The following CIAPIN1 variants were observed in gnomAD, a reference collection of about 807,000 sequenced individuals.
CIAPIN1 encodes the protein anamorsin.
CIAPIN1 carries 18 observed loss-of-function variants against 34.3 expected under a neutral mutation model. The ratio of observed to expected loss-of-function variants is 0.52; its 90% CI spans 0.36 to 0.78. The LOEUF (loss-of-function observed/expected upper bound fraction) is 0.78. Among genes scored for constraint, CIAPIN1 ranks in the 30% least tolerant of loss-of-function variants. The probability of loss-of-function intolerance (pLI) is 0.00; values close to 1 mark genes in which losing one functional copy is unlikely to be tolerated. For missense variants in CIAPIN1, 310 were observed against 372.5 expected (o/e 0.83, Z 1.38); for synonymous variants, 131 against 140.4 (o/e 0.93, Z 0.47).
In CIAPIN1 at chr16:57,428,345, AGTTC is replaced by A. The variant is rs1567568493; in HGVS notation, c.*821_*824del. On this transcript the variant is annotated 3_prime_UTR_variant, in exon 9 of 9. Coordinates refer to ENST00000394391, the MANE Select transcript of CIAPIN1 (RefSeq NM_020313.4). Reference sequence around the variant, plus strand: ...CTCAGAGAGACGTATTGTCGTTCAGAGTTCTGCCCTGCTTCCCTCTAAATGCTCA... The same window carrying A: ...CTCAGAGAGACGTATTGTCGTTCAGATGCCCTGCTTCCCTCTAAATGCTCA... 4 of 152,184 alleles carry A rather than the reference AGTTC, an allele frequency of 2.6e-5. No individual in the cohort carries two copies. Among genetic ancestry groups the A allele is most frequent in the Non-Finnish European group, 4.4e-5 (3 of 68,040 alleles). The allele number at this position is 152,184 out of a possible 1,614,324, so 9.4% of individuals were successfully genotyped here.
intron 2 of CIAPIN1, 120 bp from the exon 3 acceptor site, chr16:57,439,454 C>T: frequency 6.3e-6 from 6 of 954,438 alleles, no homozygotes; most frequent in Non-Finnish European, 9.6e-6. Flanking sequence ...ACTCGATATC[C>T]ATCCAAGAAG....
rs752282077 is a variant in CIAPIN1 at position 57,434,153 on chromosome 16, A to G, written c.447T>C (p.His149=). ...GAACAAACAGCAGGTTGTCACTTTC[A>G]TGACCAAGGTGTTCTCGAACAGACT... The part of the protein sequence containing the change: ...EVQSVREHLG[H]ESDNLLFVQI... Residue 149 remains histidine (H), a synonymous_variant, in exon 5 of 9, where the codon CAT becomes CAC. Transcript: ENST00000394391. The G allele has an allele frequency of 1.2e-6, 2 of 1,614,172 alleles. No individual in the cohort carries two copies. Among genetic ancestry groups the G allele is most frequent in the Non-Finnish European group, 1.7e-6 (2 of 1,179,994 alleles).
intron 1 of CIAPIN1, among the ~76,000 whole-genome samples, chr16:57,444,004 C>T (rs1458726925): frequency 1.3e-5 from 2 of 152,184 alleles, no homozygotes; most frequent in Admixed American, 6.5e-5. Context: ...ATGAAAAAGA[C>T]CCCACCTACT....
intron 4 of CIAPIN1, among the ~76,000 whole-genome samples, chr16:57,434,740 A>G (rs1903162252): frequency 6.6e-6 from 1 of 152,262 alleles, no homozygotes; most frequent in Non-Finnish European, 1.5e-5. Context: ...TACATCATTA[A>G]TATGAATGAA....
intron 1 of CIAPIN1, among the ~76,000 whole-genome samples, chr16:57,442,340 G>A (rs191742313): frequency 3.3e-4 from 50 of 152,100 alleles, no homozygotes; most frequent in East Asian, 2.1e-3. Context: ...GCGAGACTCC[G>A]TCTCAAAATA....
chr16:57,432,079 G>A (rs960876070), intron 6 of CIAPIN1, among the ~76,000 whole-genome samples: 1 of 152,182 alleles, frequency 6.6e-6, no homozygotes, highest in Non-Finnish European at 1.5e-5. Context: ...TTGGGAGGCC[G>A]AGGCGGGCAG....
At chr16:57,430,910 G>A (rs1903072152) in intron 7 of CIAPIN1, among the ~76,000 whole-genome samples, 4 of 152,118 alleles carry the variant, frequency 2.6e-5, no homozygotes, top group African/African-American at 9.7e-5. Context: ...ACGGCTCACT[G>A]CAGCCTCGAC....
chr16:57,445,931 C>T (rs1243239156), intron 1 of CIAPIN1, among the ~76,000 whole-genome samples: 1 of 146,524 alleles, frequency 6.8e-6, no homozygotes, highest in Admixed American at 7.0e-5. Context: ...CTGCAACCTC[C>T]GACTCCGGGG....
chr16:57,429,006 C>T lies in CIAPIN1; in HGVS notation c.*164G>A. The T allele has an allele frequency of 1.6e-6, 1 of 611,976 alleles. No homozygotes were observed. Among genetic ancestry groups the T allele is most frequent in the South Asian group, 1.9e-5 (1 of 51,918 alleles). The allele number at this position is 611,976 out of a possible 1,614,324, so 37.9% of individuals were successfully genotyped here. ...TCTTTTGATACACAGCAGCACTACA[C>T]ACCACTGTGCCCCCCAGCCAGCTTC... On this transcript the variant is annotated 3_prime_UTR_variant, in exon 9 of 9. Transcript: ENST00000394391.
In CIAPIN1 at chr16:57,432,536, G is replaced by C; in HGVS notation, c.581C>G (p.Ala194Gly). The change falls in exon 6 of 9, where the codon GCT (alanine) becomes GGT (glycine). Residue 194 changes from alanine (A) to glycine (G), a missense_variant. By Grantham distance (60) the Ala-to-Gly change is moderately conservative. Transcript: ENST00000394391. Reference protein sequence around the residue: ...PSVKPAVDPAAAKLWTLSAND... With the variant: ...PSVKPAVDPAGAKLWTLSAND... ...GGCTGAGAGGGTCCACAGCTTGGCAGCAGCAGGGTCCACAGCAGGTTTCAC... is the reference window on the plus strand; with the variant it reads ...GGCTGAGAGGGTCCACAGCTTGGCACCAGCAGGGTCCACAGCAGGTTTCAC... The C allele has an allele frequency of 6.2e-7, 1 of 1,613,026 alleles. No homozygotes were observed. Among genetic ancestry groups the C allele is most frequent in the African/African-American group, 1.3e-5 (1 of 74,998 alleles).
At chr16:57,440,722 C>T in intron 2 of CIAPIN1, 50 bp downstream of exon 2, 2 of 1,542,564 alleles carry the variant, frequency 1.3e-6, no homozygotes, top group Non-Finnish European at 1.8e-6. Context: ...ATGCAACACT[C>T]CCATGGAAAC....
chr16:57,439,116 G>T, intron 3 of CIAPIN1, 66 bp downstream of exon 3: 2 of 1,524,674 alleles, frequency 1.3e-6, no homozygotes, highest in South Asian at 1.1e-5. Context: ...TGCTCACGGA[G>T]ATGCAGCACA....
chr16:57,442,344 C>G (rs1247143806), intron 1 of CIAPIN1, among the ~76,000 whole-genome samples: 1 of 151,688 alleles, frequency 6.6e-6, no homozygotes, highest in Non-Finnish European at 1.5e-5. Context: ...GACTCCGTCT[C>G]AAAATAAATA....
intron 1 of CIAPIN1, among the ~76,000 whole-genome samples, chr16:57,444,611 G>GT (rs1246019564): frequency 1.3e-5 from 2 of 152,152 alleles, no homozygotes; most frequent in African/African-American, 4.8e-5. Flanking sequence ...TTTGCGTTCC[G>GT]TATCTCCCAA....
In CIAPIN1 at chr16:57,440,979, C is replaced by G. The variant is rs1208002554; in HGVS notation, c.-51G>C. ...TAAAAACTGCTGGCCAAAAGGGAAT[C>G]AAGACTGGGCAGAGACAAAGTGCAA... is the stretch of plus-strand genomic sequence containing the variant. On this transcript the variant is annotated 5_prime_UTR_variant, in exon 2 of 9. Transcript: ENST00000394391. 2.6e-6 allele frequency: 4 copies of G among 1,566,754 alleles called. No homozygotes were observed. Among genetic ancestry groups the G allele is most frequent in the Non-Finnish European group, 3.5e-6 (4 of 1,154,712 alleles).
Position 57,429,780 on chromosome 16 carries a change from C to T in CIAPIN1, c.828+478G>A, listed in dbSNP as rs953405607. Among the ~76,000 whole-genome samples, 5 of 150,588 alleles carry T rather than the reference C, an allele frequency of 3.3e-5. No individual in the cohort carries two copies. The East Asian group carries it at 9.7e-4, about 29-fold the overall frequency. On this transcript the variant is annotated intron_variant, in intron 8 of 8. Transcript: ENST00000394391. ...GTGCTGGGATTACAGGCGTGAGCCA[C>T]CGCACCCGGCCTTTTTTTTTTTTTG...
intron 5 of CIAPIN1, 115 bp downstream of exon 5, chr16:57,433,929 G>T: frequency 1.0e-6 from 1 of 971,568 alleles, no homozygotes; most frequent in African/African-American, 1.6e-5. Flanking sequence ...GGAAATGGCA[G>T]AAATCAAAGG....
At chr16:57,429,393 T>C in intron 8 of CIAPIN1, 113 bp from the exon 9 acceptor site, 5 of 694,386 alleles carry the variant, frequency 7.2e-6, no homozygotes, top group Non-Finnish European at 1.3e-5. Flanking sequence ...GAAATGGCTA[T>C]GTTTGCAGGT....
chr16:57,437,923 A>G (rs1310091497), intron 3 of CIAPIN1, among the ~76,000 whole-genome samples: 2 of 151,698 alleles, frequency 1.3e-5, no homozygotes, highest in South Asian at 2.1e-4. Context: ...TTGTTTTTTT[A>G]TCACTCTCTG....
Sources: gnomAD v4.1 joint callset for allele counts (sites outside exome capture counted in the v4.1 genomes callset) on GRCh38, gnomAD v4.1.1 for gene constraint, MANE v1.5 for transcripts, NCBI Gene and HGNC (gene_info 2026-07-23, HGNC 2026-07-21) for gene names.